SLC20A2: variants seen among roughly 807,000 people sequenced by gnomAD.
SLC20A2 encodes sodium-dependent phosphate transporter 2.
In SLC20A2, 30 loss-of-function variants were observed where a neutral mutation model predicts 61.0. The ratio of observed to expected loss-of-function variants is 0.49; its 90% confidence interval spans 0.37 to 0.67. The LOEUF is 0.67. Ranked by LOEUF, SLC20A2 falls within the 30% of genes least tolerant of loss-of-function variation. The pLI is 0.00. For synonymous variants in SLC20A2, 351 were observed against 353.3 expected (o/e 0.99, Z 0.07); for missense variants, 626 against 866.4 (o/e 0.72, Z 3.48).
intron 1 of SLC20A2, among the ~76,000 whole-genome samples, chr8:42,512,428 G>A (rs1234838657): frequency 6.6e-6 from 1 of 150,788 alleles, no homozygotes; most frequent in Non-Finnish European, 1.5e-5. Flanking sequence ...TCAGCTCACT[G>A]TAACCTCTGC....
chr8:42,464,483 A>G lies in SLC20A2; in HGVS notation c.430+1294T>C, dbSNP rs183615610. Among the ~76,000 whole-genome samples, 32 of 152,036 alleles carry G rather than the reference A, an allele frequency of 2.1e-4. No individual in the cohort carries two copies. In the East Asian group the frequency reaches 5.6e-3, roughly 27 times the overall value. On this transcript the variant is annotated intron_variant, in intron 3 of 10. Transcript: ENST00000520262. ...CTCACTTTGAGGCTTCCCCAAGACT[A>G]TGAACTCCTGGATTCCAGGCATCTT... is the stretch of plus-strand genomic sequence containing the variant.
In SLC20A2 at chr8:42,463,223, T is replaced by A. The variant is rs552065062; in HGVS notation, c.431-133A>T. Reference sequence around the variant, plus strand: ...ATTTCCAGAATTATTTACCTTTAATTCAGAACCTAACAAGCCCTGTGACTT... The same window carrying A: ...ATTTCCAGAATTATTTACCTTTAATACAGAACCTAACAAGCCCTGTGACTT... On this transcript the variant is annotated intron_variant, in intron 3 of 10. Coordinates refer to ENST00000520262, the MANE Select transcript of SLC20A2 (RefSeq NM_001257180.2). The A allele has an allele frequency of 1.7e-4, 100 of 582,142 alleles. No individual in the cohort carries two copies. In the African/African-American group the frequency reaches 1.7e-3, roughly 10 times the overall value. The allele number at this position is 582,142 out of a possible 1,614,324, so 36.1% of individuals were successfully genotyped here.
chr8:42,434,342 C>T (rs562256551), intron 8 of SLC20A2, among the ~76,000 whole-genome samples: 2 of 152,128 alleles, frequency 1.3e-5, no homozygotes, highest in East Asian at 3.9e-4. Flanking sequence ...CTGCCTCGGC[C>T]TCCCGAAGTG....
At position 42,416,529 on chromosome 8, in the gene SLC20A2, CAATG is replaced by C. The variant is rs1360105866; in HGVS notation, c.*1270_*1273del. 1 of 152,490 alleles carries C rather than the reference CAATG, an allele frequency of 6.6e-6. No individual in the cohort carries two copies. The highest frequency in any genetic ancestry group is 1.5e-5 in the Non-Finnish European group (1 of 68,012). The allele number at this position is 152,490 out of a possible 1,614,324, so 9.4% of individuals were successfully genotyped here. On this transcript the variant is annotated 3_prime_UTR_variant, in exon 11 of 11. Transcript: ENST00000520262. Reference sequence around the variant, plus strand: ...AATATGGTTGATTAATGAAAAATGACAATGAAGTACCAAGAAAATGTTTGTCAAT... The same window carrying C: ...AATATGGTTGATTAATGAAAAATGACAAGTACCAAGAAAATGTTTGTCAAT...
chr8:42,519,216 C>G (rs1312377201), intron 1 of SLC20A2, among the ~76,000 whole-genome samples: 1 of 152,104 alleles, frequency 6.6e-6, no homozygotes, highest in Non-Finnish European at 1.5e-5. Context: ...GAGGCCGAGG[C>G]AGACAGATCA....
At chr8:42,455,239 A>ATATATATATATATATAT (rs1406971999) in intron 5 of SLC20A2, among the ~76,000 whole-genome samples, 1 of 97,286 alleles carries the variant, frequency 1.0e-5, no homozygotes, top group African/African-American at 4.3e-5. Context: ...AAAAAAAAAA[A>ATATATATATATATATAT]AAATATATAT....
intron 1 of SLC20A2, among the ~76,000 whole-genome samples, chr8:42,523,305 G>C (rs1378133724): frequency 6.6e-6 from 1 of 151,868 alleles, no homozygotes; most frequent in Non-Finnish European, 1.5e-5. Context: ...ACTCCAGCCT[G>C]GGCAACAACA....
intron 6 of SLC20A2, among the ~76,000 whole-genome samples, chr8:42,439,930 T>TA (rs1804638325): frequency 6.6e-6 from 1 of 151,602 alleles, no homozygotes; most frequent in Non-Finnish European, 1.5e-5. Flanking sequence ...ACTAAAAATA[T>TA]AAAAATTAGC....
intron 10 of SLC20A2, chr8:42,419,699 A>G (rs1802915252): frequency 3.2e-5 from 31 of 971,564 alleles, no homozygotes; most frequent in Non-Finnish European, 3.8e-5. Context: ...ATAGTTTTAT[A>G]AATAGCTGTT....
At chr8:42,466,962 A>C (rs1255739565) in intron 2 of SLC20A2, among the ~76,000 whole-genome samples, 2 of 152,036 alleles carry the variant, frequency 1.3e-5, no homozygotes, top group African/African-American at 2.4e-5. Context: ...GAGCTGCCAC[A>C]CTCAGCTAAT....
At position 42,462,095 on chromosome 8, in the gene SLC20A2, G is replaced by A. The variant is rs140848178; in HGVS notation, c.516+910C>T. ...GCGAATCTGGGGGAGGGGAGGAGAG[G>A]AGCAGCTTCCTAGGAAGTGACACCT... On this transcript the variant is annotated intron_variant, in intron 4 of 10. Transcript: ENST00000520262. Among the ~76,000 whole-genome samples, 578 of 152,208 alleles carry A rather than the reference G, an allele frequency of 3.8e-3. 4 individuals are homozygous for A. The highest frequency in any genetic ancestry group is 0.023 in the South Asian group (109 of 4,818).
intron 10 of SLC20A2, among the ~76,000 whole-genome samples, chr8:42,425,075 A>C (rs2130938340): frequency 6.6e-6 from 1 of 152,290 alleles, no homozygotes; most frequent in East Asian, 1.9e-4. Flanking sequence ...AAATCTATGC[A>C]CTTAGCCATG....
At chr8:42,487,200 CAG>C (rs1809093503) in intron 1 of SLC20A2, among the ~76,000 whole-genome samples, 1 of 107,508 alleles carries the variant, frequency 9.3e-6, no homozygotes, top group Non-Finnish European at 1.8e-5. Flanking sequence ...TTTTTTGAGA[CAG>C]AGTTTCATTC....
chr8:42,422,059 T>C (rs1471205377), intron 10 of SLC20A2, among the ~76,000 whole-genome samples: 2 of 152,062 alleles, frequency 1.3e-5, no homozygotes, highest in African/African-American at 4.8e-5. Flanking sequence ...TTGTATAGTA[T>C]TGTTTTGTTT....
intron 6 of SLC20A2, among the ~76,000 whole-genome samples, chr8:42,440,958 G>A (rs1368799714): frequency 2.0e-5 from 3 of 151,450 alleles, no homozygotes; most frequent in Admixed American, 1.3e-4. Flanking sequence ...GTGCCACCAC[G>A]CCCAGCTAAT....
At chr8:42,429,127 G>C (rs1344098750) in intron 9 of SLC20A2, among the ~76,000 whole-genome samples, 1 of 152,150 alleles carries the variant, frequency 6.6e-6, no homozygotes, top group Non-Finnish European at 1.5e-5. Flanking sequence ...CAATAAGATA[G>C]TAAATCAGTC....
chr8:42,526,426 G>C (rs540745821), intron 1 of SLC20A2, among the ~76,000 whole-genome samples: 98 of 151,648 alleles, frequency 6.5e-4, no homozygotes, highest in Admixed American at 1.6e-3. Flanking sequence ...GTAATCCCAG[G>C]ACTTTGGGAG....
intron 1 of SLC20A2, among the ~76,000 whole-genome samples, chr8:42,506,694 C>T (rs898023290): frequency 3.9e-5 from 6 of 152,188 alleles, no homozygotes. Flanking sequence ...TAATTTTCTC[C>T]GTGATATGGT....
intron 5 of SLC20A2, among the ~76,000 whole-genome samples, chr8:42,456,864 G>A (rs942122514): frequency 9.9e-5 from 15 of 152,064 alleles, no homozygotes; most frequent in African/African-American, 3.6e-4. Context: ...GCTAGGTGGT[G>A]CGCTTAACTC....
Sources: gnomAD v4.1 joint callset for allele counts (sites outside exome capture counted in the v4.1 genomes callset) on GRCh38, gnomAD v4.1.1 for gene constraint, MANE v1.5 for transcripts, NCBI Gene and HGNC (gene_info 2026-07-23, HGNC 2026-07-21) for gene names.